SLC4A7: variants seen among roughly 807,000 people sequenced by gnomAD.
SLC4A7 encodes sodium bicarbonate cotransporter 3.
SLC4A7 carries 51 observed loss-of-function variants against 137.6 expected under a neutral mutation model. The observed-to-expected ratio is 0.37, with a 90% CI of 0.30 to 0.47. The LOEUF is 0.47. Ranked by LOEUF, SLC4A7 falls within the 20% of genes least tolerant of loss-of-function variation. SLC4A7 has a pLI of 1.00. For missense variants in SLC4A7, 1,247 were observed against 1,525.4 expected, an observed-to-expected ratio of 0.82 and a Z score of 3.04; for synonymous variants, 542 against 518.6, an observed-to-expected ratio of 1.05 and a Z score of -0.61.
chr3:27,407,856 A>G (rs1230746311), intron 13 of SLC4A7, among the ~76,000 whole-genome samples: 1 of 151,552 alleles, frequency 6.6e-6, no homozygotes, highest in East Asian at 1.9e-4. Context: ...CCTCTATTCT[A>G]TTTCAACCTT....
At chr3:27,440,337 T>A (rs2057089332) in intron 3 of SLC4A7, among the ~76,000 whole-genome samples, 1 of 152,114 alleles carries the variant, frequency 6.6e-6, no homozygotes, top group Admixed American at 6.5e-5. Flanking sequence ...TTTTGTCACA[T>A]CTATATCCAG....
At chr3:27,415,853 G>A (rs1353449243) in intron 11 of SLC4A7, among the ~76,000 whole-genome samples, 1 of 152,108 alleles carries the variant, frequency 6.6e-6, no homozygotes, top group African/African-American at 2.4e-5. Context: ...AAGGCATTTT[G>A]CAAAAAAGCA....
At chr3:27,458,756 C>T (rs996492300) in intron 1 of SLC4A7, among the ~76,000 whole-genome samples, 12 of 152,226 alleles carry the variant, frequency 7.9e-5, no homozygotes, top group Non-Finnish European at 1.6e-4. Flanking sequence ...CCTGGGAGGC[C>T]GAGGTGGGCA....
chr3:27,410,626 T>A (rs2053812055), intron 12 of SLC4A7, among the ~76,000 whole-genome samples: 1 of 152,204 alleles, frequency 6.6e-6, no homozygotes, highest in African/African-American at 2.4e-5. Context: ...ATCAAATTGA[T>A]AATTACTTAA....
At chr3:27,402,040 G>A (rs2052799020) in intron 15 of SLC4A7, among the ~76,000 whole-genome samples, 1 of 152,144 alleles carries the variant, frequency 6.6e-6, no homozygotes, top group Non-Finnish European at 1.5e-5. Flanking sequence ...AGGCAGCGGG[G>A]GAAGAACGAA....
At position 27,431,598 on chromosome 3, in the gene SLC4A7, C is replaced by G. The variant is rs1416512599; in HGVS notation, c.850G>C (p.Glu284Gln). 6 of 1,613,852 alleles carry G rather than the reference C, an allele frequency of 3.7e-6. No individual in the cohort carries two copies. The South Asian group carries it at 6.6e-5, about 18-fold the overall frequency. The part of the protein sequence containing the change: ...LSASNLSLRG[E>Q]SPLSLLLGHL... ...CCAAGAAGAAGAGATAAAGGTGATT[C>G]TCCTCTCAAGGAAAGGTTTGAGGCA... Residue 284 changes from glutamate (E) to glutamine (Q), a missense_variant, in exon 7 of 26, where the codon GAA becomes CAA. By Grantham distance (29) the Glu-to-Gln change is conservative (BLOSUM62 2). This residue lies in a region of SLC4A7 where 223 missense variants were observed against 203.6 expected (regional missense o/e 1.10). Coordinates refer to ENST00000454389, the MANE Select transcript of SLC4A7 (RefSeq NM_001321103.2).
chr3:27,440,590 T>C (rs1309112625), intron 3 of SLC4A7, among the ~76,000 whole-genome samples: 2 of 151,756 alleles, frequency 1.3e-5, no homozygotes, highest in Non-Finnish European at 2.9e-5. Flanking sequence ...TAGCCAGGCA[T>C]GGTGGTACGC....
At chr3:27,384,295 T>C (rs1442360435) in intron 23 of SLC4A7, among the ~76,000 whole-genome samples, 1 of 152,220 alleles carries the variant, frequency 6.6e-6, no homozygotes, top group Non-Finnish European at 1.5e-5. Flanking sequence ...CTCCTTAAAC[T>C]TGACAATATG....
In SLC4A7 at chr3:27,394,747, T is replaced by C. The variant is rs2051959577; in HGVS notation, c.2888A>G (p.Asp963Gly). 6.2e-7 allele frequency: 1 copy of C among 1,613,980 alleles called. No individual in the cohort carries two copies. Among genetic ancestry groups the C allele is most frequent in the African/African-American group, 1.3e-5 (1 of 74,918 alleles). Reference protein sequence around the residue: ...KLKKGAGYHLDLLMVGVMLGV... With the variant: ...KLKKGAGYHLGLLMVGVMLGV... ...CAACATAACGCCAACCATGAGCAAA[T>C]CAAGGTGATAGCCAGCTCCTTTCTG... Residue 963 changes from aspartate to glycine, a missense_variant, in exon 20 of 26, where the codon GAT (aspartate) becomes GGT (glycine). By Grantham distance (94) the Asp-to-Gly change is moderately conservative. This residue lies in a region of SLC4A7 where 48 missense variants were observed against 97.2 expected (regional missense o/e 0.49). Coordinates refer to ENST00000454389, the MANE Select transcript of SLC4A7 (RefSeq NM_001321103.2).
chr3:27,432,797 G>C (rs189153987), intron 6 of SLC4A7, among the ~76,000 whole-genome samples: 89 of 152,256 alleles, frequency 5.8e-4, no homozygotes, highest in African/African-American at 2.1e-3. Flanking sequence ...AACTGCATAC[G>C]AAGAGTAAAG....
chr3:27,376,770 T>C lies in SLC4A7; in HGVS notation c.3774A>G (p.Ser1258=), dbSNP rs372424594. The change falls in exon 26 of 26, where the codon TCA becomes TCG. Residue 1258 remains serine (S), a synonymous_variant. Coordinates refer to ENST00000454389, the MANE Select transcript of SLC4A7 (RefSeq NM_001321103.2). ...PRKKYVDAET[S]L Reference sequence around the variant, plus strand: ...AATGCCTCTTGGTTCAATTCTATAATGAAGTTTCAGCATCCACGTATTTCT... The same window carrying C: ...AATGCCTCTTGGTTCAATTCTATAACGAAGTTTCAGCATCCACGTATTTCT... The C allele has an allele frequency of 1.0e-5, 16 of 1,588,756 alleles. No homozygotes were observed. The African/African-American group carries it at 1.3e-4, about 13-fold the overall frequency.
chr3:27,430,335 A>G (rs1183562126), intron 7 of SLC4A7, among the ~76,000 whole-genome samples: 1 of 151,906 alleles, frequency 6.6e-6, no homozygotes, highest in Non-Finnish European at 1.5e-5. Context: ...CCAAGCTACC[A>G]AGGCAAGACG....
chr3:27,388,365 T>A (rs1015034721), intron 22 of SLC4A7, among the ~76,000 whole-genome samples: 2 of 152,204 alleles, frequency 1.3e-5, no homozygotes, highest in Admixed American at 1.3e-4. Flanking sequence ...GTCAGTGTTT[T>A]TTGAGAAAAA....
At chr3:27,464,472 C>T (rs1345979297) in intron 1 of SLC4A7, among the ~76,000 whole-genome samples, 3 of 152,152 alleles carry the variant, frequency 2.0e-5, no homozygotes, top group Non-Finnish European at 4.4e-5. Context: ...CTTTGGGAGG[C>T]CGAGGCAGAG....
At chr3:27,446,125 T>G (rs917353723) in intron 3 of SLC4A7, among the ~76,000 whole-genome samples, 3 of 150,248 alleles carry the variant, frequency 2.0e-5, no homozygotes, top group African/African-American at 7.3e-5. Flanking sequence ...TATGTGTGTG[T>G]GTATATATAT....
At chr3:27,391,875 A>ATT (rs2051594573) in intron 20 of SLC4A7, 67 bp from the exon 21 acceptor site, 1 of 859,524 alleles carries the variant, frequency 1.2e-6, no homozygotes, top group Non-Finnish European at 1.9e-6. Context: ...ATCAGTGAGT[A>ATT]ATTATAGGGC....
At chr3:27,461,970 T>G (rs1342480696) in intron 1 of SLC4A7, among the ~76,000 whole-genome samples, 3 of 151,874 alleles carry the variant, frequency 2.0e-5, no homozygotes, top group African/African-American at 7.3e-5. Context: ...AAAAAAAAGA[T>G]GATGAACCAA....
chr3:27,392,013 G>GGAGTAT (rs1281675254), intron 20 of SLC4A7, among the ~76,000 whole-genome samples: 2 of 152,102 alleles, frequency 1.3e-5, no homozygotes, highest in African/African-American at 4.8e-5. Flanking sequence ...TCCTAAAAAG[G>GGAGTAT]GAGTATGTTC....
chr3:27,415,970 G>A (rs1324849203), intron 11 of SLC4A7, among the ~76,000 whole-genome samples: 1 of 152,158 alleles, frequency 6.6e-6, no homozygotes, highest in Non-Finnish European at 1.5e-5. Context: ...GACAGGCAAT[G>A]GCAGACTTCA....
Sources: gnomAD v4.1 joint callset for allele counts (sites outside exome capture counted in the v4.1 genomes callset) on GRCh38, gnomAD v4.1.1 for gene constraint, gnomAD v4.1.1 regional missense constraint, MANE v1.5 for transcripts, NCBI Gene and HGNC (gene_info 2026-07-23, HGNC 2026-07-21) for gene names.